The following IBTK variants were observed in gnomAD, a reference collection of about 807,000 sequenced individuals.
IBTK encodes inhibitor of Bruton tyrosine kinase, also known as BTK-binding protein.
Under a neutral mutation model 154.9 loss-of-function variants are expected in IBTK, and 83 were observed. The ratio of observed to expected loss-of-function variants is 0.54; its 90% confidence interval spans 0.45 to 0.64. IBTK has a LOEUF of 0.64. IBTK is among the 30% of genes least tolerant of loss of function. The pLI is 0.00. For synonymous variants in IBTK, 515 were observed against 536.1 expected (o/e 0.96, Z 0.54); for missense variants, 1,332 against 1,584.6 (o/e 0.84, Z 2.71).
chr6:82,214,268 T>TTGCAACATTC lies in IBTK; in HGVS notation c.2153_2162dup (p.Thr722AsnfsTer13), dbSNP rs1481635346. On this transcript the variant is annotated frameshift_variant, in exon 12 of 29. Transcript: ENST00000306270. LOFTEE classifies it high-confidence loss of function. Reference sequence around the variant, plus strand: ...TGAAGTCGAATTTCTTTGCAACAGTTTGCAACATTCTTACAGGATCATCTT... The same window carrying TTGCAACATTC: ...TGAAGTCGAATTTCTTTGCAACAGTTTGCAACATTCTGCAACATTCTTACAGGATCATCTT... 6.2e-7 allele frequency: 1 copy of TTGCAACATTC among 1,612,594 alleles called. No individual in the cohort carries two copies. The highest frequency in any genetic ancestry group is 8.5e-7 in the Non-Finnish European group (1 of 1,179,634).
intron 2 of IBTK, among the ~76,000 whole-genome samples, chr6:82,239,690 A>G (rs770167278): frequency 4.0e-5 from 6 of 151,110 alleles, no homozygotes; most frequent in Non-Finnish European, 8.8e-5. Context: ...TAACCAATTA[A>G]ATATATTTTC....
Position 82,190,155 on chromosome 6 carries a change from T to C in IBTK, c.3575+918A>G, listed in dbSNP as rs73482634. 4.5e-3 allele frequency among the ~76,000 whole-genome samples: 681 copies of C among 152,326 alleles called. 4 individuals carry two copies. Among genetic ancestry groups the C allele is most frequent in the African/African-American group, 0.015 (624 of 41,586 alleles). On this transcript the variant is annotated intron_variant, in intron 25 of 28. Coordinates refer to ENST00000306270, the MANE Select transcript of IBTK (RefSeq NM_015525.4). ...TTCAGTAACCATGCTTTGGACCTAC[T>C]AATAGCCCTAACAAGCACTGATTTA...
chr6:82,232,712 G>A (rs1266463982), intron 3 of IBTK, among the ~76,000 whole-genome samples: 2 of 152,134 alleles, frequency 1.3e-5, no homozygotes, highest in Non-Finnish European at 2.9e-5. Context: ...AACTGAGAAT[G>A]TGTGAATAAA....
Position 82,224,135 on chromosome 6 carries a change from G to T in IBTK, c.876C>A (p.Gly292=), listed in dbSNP as rs745579287. The T allele has an allele frequency of 1.2e-6, 2 of 1,614,026 alleles. No homozygotes were observed. The highest frequency in any genetic ancestry group is 1.7e-6 in the Non-Finnish European group (2 of 1,179,900). The change falls in exon 7 of 29, where the codon GGC becomes GGA. Residue 292 remains glycine, a synonymous_variant. Coordinates refer to ENST00000306270, the MANE Select transcript of IBTK (RefSeq NM_015525.4). ...TAGTCCATAGGACTGTATGAAACCT[G>T]CCTGCTGCAACGCCAATGATTGTCC... ...KGRTIIGVAA[G]RFHTVLWTRE...
intron 26 of IBTK, chr6:82,175,010 C>G (rs1190868941): frequency 8.8e-6 from 4 of 456,030 alleles, no homozygotes; most frequent in Non-Finnish European, 1.8e-5. Flanking sequence ...AAACTTCAAT[C>G]ATTATGATAA....
At chr6:82,181,658 C>T (rs1768321138) in intron 26 of IBTK, among the ~76,000 whole-genome samples, 1 of 138,528 alleles carries the variant, frequency 7.2e-6, no homozygotes, top group Non-Finnish European at 1.6e-5. Context: ...AGAATGTATA[C>T]TTTAAATATA....
chr6:82,185,193 A>C (rs945309173), intron 25 of IBTK, among the ~76,000 whole-genome samples: 2 of 151,312 alleles, frequency 1.3e-5, no homozygotes, highest in African/African-American at 4.9e-5. Context: ...AGAAAAAAAA[A>C]AAAAAAAAAA....
At chr6:82,202,398 C>A (rs1769241729) in intron 18 of IBTK, 130 bp downstream of exon 18, 7 of 662,232 alleles carry the variant, frequency 1.1e-5, no homozygotes, top group African/African-American at 9.6e-5. Context: ...ACTTCTAAAT[C>A]ATCAGCATTG....
chr6:82,181,657 A>G (rs933576136), intron 26 of IBTK, among the ~76,000 whole-genome samples: 1 of 139,698 alleles, frequency 7.2e-6, no homozygotes, highest in Non-Finnish European at 1.6e-5. Flanking sequence ...CAGAATGTAT[A>G]CTTTAAATAT....
chr6:82,210,336 T>TC, intron 16 of IBTK: 1 of 152,122 alleles, frequency 6.6e-6, no homozygotes, highest in African/African-American at 2.4e-5. Context: ...CCTTTTTTTT[T>TC]TTTTTTAATG....
At chr6:82,195,443 T>C (rs1023908255) in intron 22 of IBTK, among the ~76,000 whole-genome samples, 1 of 152,090 alleles carries the variant, frequency 6.6e-6, no homozygotes, top group East Asian at 1.9e-4. Context: ...CTGGACGTGA[T>C]GGTGCGTGCT....
chr6:82,186,964 G>A (rs952980008), intron 25 of IBTK, among the ~76,000 whole-genome samples: 1 of 139,322 alleles, frequency 7.2e-6, no homozygotes, highest in African/African-American at 2.7e-5. Flanking sequence ...TGCCCAGGCT[G>A]GAGTGTGGTG....
rs1172823391 is a variant in IBTK at position 82,201,457 on chromosome 6, C to T, written c.2755G>A (p.Val919Ile). 6.2e-7 allele frequency: 1 copy of T among 1,608,182 alleles called. No individual in the cohort carries two copies. Among genetic ancestry groups the T allele is most frequent in the South Asian group, 1.1e-5 (1 of 90,114 alleles). ...TAAAACTCAGAAAGATCCTTCAAAA[C>T]ACCATCGCTTAAAACATCAAGAGAC... ...ARSLDVLSDGVLKDLSEFYRK... is the reference protein window; with the variant it reads ...ARSLDVLSDGILKDLSEFYRK... The change falls in exon 19 of 29, where the codon GTT (valine) becomes ATT (isoleucine). Residue 919 changes from valine to isoleucine, a missense_variant. Val to Ile is a conservative substitution (Grantham distance 29). Transcript: ENST00000306270.
intron 3 of IBTK, among the ~76,000 whole-genome samples, chr6:82,232,943 A>C (rs901274870): frequency 1.1e-4 from 16 of 152,166 alleles, no homozygotes; most frequent in Admixed American, 6.5e-5. Flanking sequence ...ACCTGAGGTC[A>C]GGAGTTCGAG....
chr6:82,245,665 C>T (rs1771115207), intron 1 of IBTK, among the ~76,000 whole-genome samples: 1 of 151,938 alleles, frequency 6.6e-6, no homozygotes, highest in African/African-American at 2.4e-5. Flanking sequence ...TTGGTCCATT[C>T]CAAAATTTCT....
At chr6:82,195,368 G>C (rs1768942314) in intron 22 of IBTK, among the ~76,000 whole-genome samples, 1 of 152,026 alleles carries the variant, frequency 6.6e-6, no homozygotes, top group African/African-American at 2.4e-5. Context: ...TTGAGTCCAG[G>C]AGTTCGAGAC....
rs2127812693 is a variant in IBTK at position 82,210,499 on chromosome 6, T to G, written c.2509+315A>C. The G allele has an allele frequency of 2.0e-5, 3 of 153,374 alleles. No homozygotes were observed. In the Admixed American group the frequency reaches 2.0e-4, roughly 10 times the overall value. The allele number at this position is 153,374 out of a possible 1,614,324, so 9.5% of individuals were successfully genotyped here. On this transcript the variant is annotated intron_variant, in intron 16 of 28. Transcript: ENST00000306270. ...TGAAAACCTTTTTCTGCTCCTTTACTATTAGCAATCATTCCTATTGCTTAT... is the reference window on the plus strand; with the variant it reads ...TGAAAACCTTTTTCTGCTCCTTTACGATTAGCAATCATTCCTATTGCTTAT...
At chr6:82,216,652 T>C (rs891248960) in intron 10 of IBTK, among the ~76,000 whole-genome samples, 4 of 152,198 alleles carry the variant, frequency 2.6e-5, no homozygotes, top group Admixed American at 2.6e-4. Context: ...CTTCATAATC[T>C]GCTTGTTTAT....
Position 82,211,275 on chromosome 6 carries a change from C to A in IBTK, c.2412+92G>T. Reference sequence around the variant, plus strand: ...AAATGAAAAACTGAGCTAAAATATCCAGTTCTGATTTTGAATTTCTTTACT... The same window carrying A: ...AAATGAAAAACTGAGCTAAAATATCAAGTTCTGATTTTGAATTTCTTTACT... On this transcript the variant is annotated intron_variant, in intron 15 of 28. Coordinates refer to ENST00000306270, the MANE Select transcript of IBTK (RefSeq NM_015525.4). The A allele has an allele frequency of 3.1e-6, 3 of 954,194 alleles. No homozygotes were observed. In the South Asian group the frequency reaches 5.6e-5, roughly 18 times the overall value. 59.1% of individuals were successfully genotyped at this position (954,194 alleles called of 1,614,324 possible).
Sources: gnomAD v4.1 joint callset for allele counts (sites outside exome capture counted in the v4.1 genomes callset) on GRCh38, gnomAD v4.1.1 for gene constraint, MANE v1.5 for transcripts, NCBI Gene and HGNC (gene_info 2026-07-23, HGNC 2026-07-21) for gene names.